TRAPPC11: variants seen among roughly 807,000 people sequenced by gnomAD.
TRAPPC11 encodes foie gras homolog.
In TRAPPC11, 104 loss-of-function variants were observed where a neutral mutation model predicts 151.2. That is an observed-to-expected ratio of 0.69 (90% CI 0.59 to 0.81). The LOEUF is 0.81. Among genes scored for constraint, TRAPPC11 ranks in the 30% least tolerant of loss-of-function variants. The pLI, the probability that TRAPPC11 is intolerant of heterozygous loss-of-function variation, is 0.00. For synonymous variants in TRAPPC11, 456 were observed against 472.3 expected, an observed-to-expected ratio of 0.97 and a Z score of 0.45; for missense variants, 1,230 against 1,349.6, an observed-to-expected ratio of 0.91 and a Z score of 1.39.
chr4:183,674,487 T>A (rs1579172895), intron 5 of TRAPPC11, among the ~76,000 whole-genome samples: 1 of 151,958 alleles, frequency 6.6e-6, no homozygotes, highest in South Asian at 2.1e-4. Flanking sequence ...TATTTTTATT[T>A]GTTGTATCCT....
chr4:183,690,708 T>G (rs755104878), intron 18 of TRAPPC11, among the ~76,000 whole-genome samples: 1 of 152,346 alleles, frequency 6.6e-6, no homozygotes, highest in Non-Finnish European at 1.5e-5. Flanking sequence ...GGCTCACACC[T>G]GTAATCCCAA....
intron 29 of TRAPPC11, among the ~76,000 whole-genome samples, chr4:183,712,239 A>T (rs1165390630): frequency 6.6e-6 from 1 of 152,238 alleles, no homozygotes; most frequent in Non-Finnish European, 1.5e-5. Context: ...TAGGAATGAT[A>T]AACAAGGTTC....
intron 1 of TRAPPC11, 110 bp downstream of exon 1, chr4:183,659,557 T>G (rs1468641779): frequency 6.6e-6 from 1 of 152,226 alleles, no homozygotes; most frequent in Non-Finnish European, 1.5e-5. Context: ...CATCGACGGG[T>G]GCAATCCTGG....
intron 28 of TRAPPC11, among the ~76,000 whole-genome samples, chr4:183,707,840 A>G (rs4862236): frequency 0.28 from 42,889 of 152,058 alleles, 6,823 homozygotes; most frequent in African/African-American, 0.44. Flanking sequence ...GTTGACTTAC[A>G]TAAATCGTAG....
intron 1 of TRAPPC11, among the ~76,000 whole-genome samples, chr4:183,661,361 C>CTT (rs139201416): frequency 0.046 from 3,677 of 79,564 alleles, 83 homozygotes; most frequent in East Asian, 0.06. Flanking sequence ...TGTAGATTAC[C>CTT]TTTTTTTTTT....
chr4:183,685,092 C>T lies in TRAPPC11; in HGVS notation c.1576C>T (p.Leu526=). 1 of 1,613,698 alleles carries T rather than the reference C, an allele frequency of 6.2e-7. No individual in the cohort carries two copies. The highest frequency in any genetic ancestry group is 8.5e-7 in the Non-Finnish European group (1 of 1,179,818). ...TTCTTTCTTCATACTAGCTTCAACTCTGAAAGATGACCAGAAGTCTCGGAT... is the reference window on the plus strand; with the variant it reads ...TTCTTTCTTCATACTAGCTTCAACTTTGAAAGATGACCAGAAGTCTCGGAT... ...SLELLGRAST[L]KDDQKSRIEK... The change falls in exon 16 of 30, where the codon CTG becomes TTG. Residue 526 remains leucine, a synonymous_variant. Transcript: ENST00000334690.
intron 10 of TRAPPC11, among the ~76,000 whole-genome samples, 184 bp downstream of exon 10, chr4:183,680,451 A>C (rs1735619581): frequency 1.3e-5 from 2 of 152,126 alleles, no homozygotes; most frequent in African/African-American, 4.8e-5. Flanking sequence ...TTCACCTGTG[A>C]ATTGAGCAGA....
In TRAPPC11 at chr4:183,661,295, G is replaced by A. The variant is rs570706610; in HGVS notation, c.-22+1848G>A. Reference sequence around the variant, plus strand: ...GGGGATTAGGTATTAGCCTAAGTGTGCCTCACTTTTCACAAAGATTGTGTT... The same window carrying A: ...GGGGATTAGGTATTAGCCTAAGTGTACCTCACTTTTCACAAAGATTGTGTT... On this transcript the variant is annotated intron_variant, in intron 1 of 29. Coordinates refer to ENST00000334690, the MANE Select transcript of TRAPPC11 (RefSeq NM_021942.6). Among the ~76,000 whole-genome samples the A allele has an allele frequency of 1.2e-4, 18 of 150,504 alleles. No homozygotes were observed. The South Asian group carries it at 2.5e-3, about 21-fold the overall frequency.
Position 183,709,644 on chromosome 4 carries a change from A to G in TRAPPC11, c.3357+1070A>G, listed in dbSNP as rs546679058. ...CAGAAAATTAGCCGGGCGTGGTGGC[A>G]GGCACCTGTAGTTCCAGCTACTTGG... is the stretch of plus-strand genomic sequence containing the variant. On this transcript the variant is annotated intron_variant, in intron 29 of 29. Coordinates refer to ENST00000334690, the MANE Select transcript of TRAPPC11 (RefSeq NM_021942.6). Among the ~76,000 whole-genome samples, 8 of 152,202 alleles carry G rather than the reference A, an allele frequency of 5.3e-5. No homozygotes were observed. In the East Asian group the frequency reaches 1.4e-3, roughly 26 times the overall value.
intron 10 of TRAPPC11, among the ~76,000 whole-genome samples, chr4:183,681,576 C>T (rs1019617710): frequency 9.2e-5 from 14 of 152,010 alleles, no homozygotes; most frequent in Middle Eastern, 3.4e-3. Context: ...GTCAGGAGAT[C>T]GAGACCATCC....
At chr4:183,708,932 A>G (rs1285067856) in intron 29 of TRAPPC11, among the ~76,000 whole-genome samples, 2 of 152,158 alleles carry the variant, frequency 1.3e-5, no homozygotes, top group African/African-American at 4.8e-5. Flanking sequence ...TAACTGTGTA[A>G]TATTAGATTT....
At chr4:183,710,766 C>T (rs62358040) in intron 29 of TRAPPC11, among the ~76,000 whole-genome samples, 42,387 of 151,426 alleles carry the variant, frequency 0.28, 6,629 homozygotes, top group African/African-American at 0.43. Context: ...TGGTGGCTCA[C>T]GCCTGTAATC....
intron 23 of TRAPPC11, among the ~76,000 whole-genome samples, chr4:183,695,138 C>T (rs1221148070): frequency 2.0e-5 from 3 of 151,834 alleles, no homozygotes; most frequent in African/African-American, 7.3e-5. Flanking sequence ...TTAGTAGATA[C>T]GGGGTTTCTC....
rs1736383691 is a variant in TRAPPC11 at position 183,693,752 on chromosome 4, T to C, written c.2386+15T>C. Reference sequence around the variant, plus strand: ...CTTAAAACCAGGTAAGCATTCCTTTTTGTAAGTTTGATCAGTATTAATCCA... The same window carrying C: ...CTTAAAACCAGGTAAGCATTCCTTTCTGTAAGTTTGATCAGTATTAATCCA... On this transcript the variant is annotated intron_variant, in intron 21 of 29. Coordinates refer to ENST00000334690, the MANE Select transcript of TRAPPC11 (RefSeq NM_021942.6). 9 of 1,612,036 alleles carry C rather than the reference T, an allele frequency of 5.6e-6. No homozygotes were observed. Among genetic ancestry groups the C allele is most frequent in the Non-Finnish European group, 7.6e-6 (9 of 1,179,256 alleles).
chr4:183,673,452 T>C (rs1735254497), intron 5 of TRAPPC11, among the ~76,000 whole-genome samples: 1 of 152,110 alleles, frequency 6.6e-6, no homozygotes. Flanking sequence ...GGCATTTGGA[T>C]CGTTTAAGTC....
chr4:183,685,860 G>A (rs569545461), intron 17 of TRAPPC11, among the ~76,000 whole-genome samples: 25 of 152,026 alleles, frequency 1.6e-4, no homozygotes, highest in African/African-American at 5.8e-4. Context: ...TCGAGACAGG[G>A]TCTCACTCTG....
intron 10 of TRAPPC11, among the ~76,000 whole-genome samples, chr4:183,682,120 T>C (rs1735728883): frequency 6.6e-6 from 1 of 152,246 alleles, no homozygotes; most frequent in Non-Finnish European, 1.5e-5. Context: ...AATTTGTGCA[T>C]GTGAAATCTG....
intron 29 of TRAPPC11, among the ~76,000 whole-genome samples, chr4:183,708,971 A>G (rs1028628853): frequency 2.0e-5 from 3 of 150,838 alleles, no homozygotes; most frequent in African/African-American, 4.9e-5. Flanking sequence ...ATCATCTCTC[A>G]GAAACTATAC....
chr4:183,674,945 T>TA (rs1201911683), intron 6 of TRAPPC11, 133 bp downstream of exon 6: 1 of 621,452 alleles, frequency 1.6e-6, no homozygotes, highest in African/African-American at 2.0e-5. Flanking sequence ...TCAATGCTTT[T>TA]AAAAATTAAT....
Sources: allele counts gnomAD v4.1 joint callset (sites outside exome capture counted in the v4.1 genomes callset), GRCh38; gene constraint gnomAD v4.1.1; transcripts MANE v1.5; gene names NCBI Gene and HGNC (gene_info 2026-07-23, HGNC 2026-07-21).